Variants in FHIT observed in about 807,000 individuals in gnomAD.
FHIT encodes bis(5'-adenosyl)-triphosphatase.
In FHIT, 19 loss-of-function variants were observed where a neutral mutation model predicts 17.9. The ratio of observed to expected loss-of-function variants is 1.06; its 90% CI spans 0.74 to 1.56. The LOEUF (loss-of-function observed/expected upper bound fraction) is 1.56. Ranked by LOEUF, FHIT falls within the 40% of genes most tolerant of loss-of-function variation. The pLI is 0.00. For synonymous variants in FHIT, 81 were observed against 69.7 expected (o/e 1.16, Z -0.81); for missense variants, 248 against 189.2 (o/e 1.31, Z -1.82).
intron 5 of FHIT, among the ~76,000 whole-genome samples, chr3:60,465,015 A>G (rs976310706): frequency 6.6e-6 from 1 of 152,102 alleles, no homozygotes; most frequent in African/African-American, 2.4e-5. Flanking sequence ...CCTCTCCAGC[A>G]CTTGTTATTG....
intron 5 of FHIT, among the ~76,000 whole-genome samples, chr3:60,040,639 T>A (rs1427776861): frequency 1.3e-5 from 2 of 152,144 alleles, no homozygotes; most frequent in African/African-American, 2.4e-5. Flanking sequence ...TCGGAGGGCT[T>A]CAAGAGAACT....
At chr3:60,064,264 A>C (rs1423306503) in intron 5 of FHIT, among the ~76,000 whole-genome samples, 1 of 152,212 alleles carries the variant, frequency 6.6e-6, no homozygotes, top group Non-Finnish European at 1.5e-5. Context: ...TATGTTGTTT[A>C]TAACTCTTAT....
intron 2 of FHIT, among the ~76,000 whole-genome samples, chr3:61,100,830 A>G (rs1007700334): frequency 6.6e-6 from 1 of 152,136 alleles, no homozygotes; most frequent in Non-Finnish European, 1.5e-5. Flanking sequence ...GCATTTTTTC[A>G]TGTGTCTGCT....
Position 60,069,940 on chromosome 3 carries a change from C to T in FHIT, c.104-55788G>A, listed in dbSNP as rs187001962. ...CTTCTGTCTAGCACACTTTTCTCCT[C>T]GCTCTTTACTCGCTCAAGTTTTGCT... On this transcript the variant is annotated intron_variant, in intron 5 of 9. Transcript: ENST00000492590. 1.5e-3 allele frequency among the ~76,000 whole-genome samples: 224 copies of T among 152,300 alleles called. 1 individual carries two copies. Among genetic ancestry groups the T allele is most frequent in the African/African-American group, 4.4e-3 (183 of 41,562 alleles).
chr3:61,020,594 A>G (rs978489775), intron 3 of FHIT, among the ~76,000 whole-genome samples: 1 of 152,212 alleles, frequency 6.6e-6, no homozygotes, highest in African/African-American at 2.4e-5. Context: ...CATCAACACT[A>G]TGAAAAAACT....
intron 3 of FHIT, among the ~76,000 whole-genome samples, chr3:60,987,634 A>G (rs2029863755): frequency 6.6e-6 from 1 of 152,012 alleles, no homozygotes; most frequent in South Asian, 2.1e-4. Flanking sequence ...ACACCTCTAT[A>G]TTTCTGTGTG....
chr3:59,793,947 C>G (rs1256821071), intron 8 of FHIT, among the ~76,000 whole-genome samples: 1 of 152,108 alleles, frequency 6.6e-6, no homozygotes, highest in Non-Finnish European at 1.5e-5. Context: ...GACAAAGGTA[C>G]AGTATTTCAC....
intron 5 of FHIT, among the ~76,000 whole-genome samples, chr3:60,295,890 T>C (rs753975334): frequency 6.6e-5 from 10 of 152,156 alleles, no homozygotes; most frequent in Non-Finnish European, 1.3e-4. Context: ...AAATCTCATC[T>C]TGAATTGTAG....
At chr3:59,908,853 T>TTTTTTTTTTTTG (rs1271629999) in intron 8 of FHIT, among the ~76,000 whole-genome samples, 3 of 150,830 alleles carry the variant, frequency 2.0e-5, no homozygotes, top group Non-Finnish European at 3.0e-5. Context: ...CATTTTTTAA[T>TTTTTTTTTTTTG]AGTCCAACTG....
At chr3:60,024,370 T>C (rs1228900086) in intron 5 of FHIT, among the ~76,000 whole-genome samples, 2 of 152,158 alleles carry the variant, frequency 1.3e-5, no homozygotes, top group African/African-American at 4.8e-5. Flanking sequence ...GAAGATTTCG[T>C]AGTGAGAGGT....
At chr3:60,423,580 CT>C (rs1393491693) in intron 5 of FHIT, among the ~76,000 whole-genome samples, 3 of 152,094 alleles carry the variant, frequency 2.0e-5, no homozygotes, top group Admixed American at 1.3e-4. Context: ...AATGTTTCCC[CT>C]AATAATTCTT....
At chr3:60,565,478 G>A (rs920333812) in intron 4 of FHIT, among the ~76,000 whole-genome samples, 24 of 152,132 alleles carry the variant, frequency 1.6e-4, no homozygotes, top group African/African-American at 5.6e-4. Flanking sequence ...ATTCTTCACC[G>A]TTGGATTCTA....
intron 1 of FHIT, among the ~76,000 whole-genome samples, chr3:61,244,747 A>G (rs2040450323): frequency 6.6e-6 from 1 of 152,192 alleles, no homozygotes; most frequent in Non-Finnish European, 1.5e-5. Flanking sequence ...AGGTCTTGCT[A>G]TGTTTCCTCC....
At chr3:60,580,733 A>G (rs1228624003) in intron 4 of FHIT, among the ~76,000 whole-genome samples, 2 of 152,078 alleles carry the variant, frequency 1.3e-5, no homozygotes, top group Non-Finnish European at 2.9e-5. Context: ...TCTTCCTTAC[A>G]AAAGTTTCTT....
intron 3 of FHIT, among the ~76,000 whole-genome samples, chr3:60,830,725 G>A (rs1239962089): frequency 2.0e-5 from 3 of 152,058 alleles, no homozygotes; most frequent in Non-Finnish European, 2.9e-5. Flanking sequence ...ATCGGGAATC[G>A]GAGAAATCAA....
In FHIT at chr3:60,683,289, G is replaced by A. The variant is rs1346861923; in HGVS notation, c.-18+138630C>T. On this transcript the variant is annotated intron_variant, in intron 4 of 9. Coordinates refer to ENST00000492590, the MANE Select transcript of FHIT (RefSeq NM_002012.4). ...TGTGGGTAAAATGCTGGCAAACAGTGCTGTATGCAACAGAGAAGTCATTCG... is the reference window on the plus strand; with the variant it reads ...TGTGGGTAAAATGCTGGCAAACAGTACTGTATGCAACAGAGAAGTCATTCG... Among the ~76,000 whole-genome samples the A allele has an allele frequency of 2.6e-5, 4 of 152,184 alleles. No individual in the cohort carries two copies. In the East Asian group the frequency reaches 7.7e-4, roughly 29 times the overall value.
At position 60,375,130 on chromosome 3, in the gene FHIT, C is replaced by CA. The variant is rs772493082; in HGVS notation, c.103+161729dup. ...AAAAAAAAAAAACAAAAACAAAAAA[C>CA]AAAAAAAACACTTTCACGGTAGCAA... On this transcript the variant is annotated intron_variant, in intron 5 of 9. Transcript: ENST00000492590. 7.5e-3 allele frequency among the ~76,000 whole-genome samples: 1,123 copies of CA among 149,402 alleles called. 8 individuals carry two copies. Among genetic ancestry groups the CA allele is most frequent in the Non-Finnish European group, 0.012 (823 of 67,234 alleles).
intron 3 of FHIT, among the ~76,000 whole-genome samples, chr3:61,033,767 A>C (rs2033117103): frequency 6.6e-6 from 1 of 152,220 alleles, no homozygotes; most frequent in Admixed American, 6.5e-5. Context: ...ATTATCCTAA[A>C]TTAACAAACA....
chr3:60,326,498 G>A (rs1029977280), intron 5 of FHIT, among the ~76,000 whole-genome samples: 1 of 152,070 alleles, frequency 6.6e-6, no homozygotes, highest in African/African-American at 2.4e-5. Context: ...AGTGATGGGG[G>A]AGCGGCTGTA....
Sources: allele counts gnomAD v4.1 joint callset (sites outside exome capture counted in the v4.1 genomes callset), GRCh38; gene constraint gnomAD v4.1.1; transcripts MANE v1.5; gene names NCBI Gene and HGNC (gene_info 2026-07-23, HGNC 2026-07-21).